The following DNMT1 variants were observed in gnomAD, a reference collection of about 807,000 sequenced individuals.
DNMT1 encodes DNA methyltransferase 1.
DNMT1 carries 24 observed loss-of-function variants against 205.3 expected under a neutral mutation model. The ratio of observed to expected loss-of-function variants is 0.12; its 90% CI spans 0.08 to 0.16. DNMT1 has a LOEUF of 0.16. Among genes scored for constraint, DNMT1 ranks in the 10% least tolerant of loss-of-function variants. DNMT1 has a pLI of 1.00. For missense variants in DNMT1, 1,293 were observed against 2,177.7 expected, an observed-to-expected ratio of 0.59 and a Z score of 8.09; for synonymous variants, 817 against 839.8, an observed-to-expected ratio of 0.97 and a Z score of 0.47.
chr19:10,154,211 G>T lies in DNMT1; in HGVS notation c.2019+82C>A. The T allele has an allele frequency of 2.1e-5, 25 of 1,181,038 alleles. No homozygotes were observed. Among genetic ancestry groups the T allele is most frequent in the Non-Finnish European group, 2.8e-5 (25 of 892,042 alleles). 73.2% of individuals were successfully genotyped at this position (1,181,038 alleles called of 1,614,324 possible). A position where few individuals can be genotyped will look rare whatever the true frequency, so the allele number is the denominator to read the frequency against. ...TGAGCAGCCAGAGTCTCAAGCCACA[G>T]AGAGAAAGATGGAGCAGTCCTCAGA... On this transcript the variant is annotated intron_variant, in intron 22 of 40. Transcript: ENST00000359526. The surrounding 1 kb of genome is among the most constrained non-coding windows in gnomAD (Gnocchi z 6.3).
In DNMT1 at chr19:10,160,049, AT is replaced by A; in HGVS notation, c.1057del (p.Met353TrpfsTer8). 6.3e-7 allele frequency: 1 copy of A among 1,590,538 alleles called. No homozygotes were observed. ...GTTCATGACTGTTTTGGCGCGAGCCATTTTTTTCTCCGTTCTGGGGGAAAAA... is the reference window on the plus strand; with the variant it reads ...GTTCATGACTGTTTTGGCGCGAGCCATTTTTTCTCCGTTCTGGGGGAAAAA... ...TTPKEPTEKK[M>X]ARAKTVMNSK... On this transcript the variant is annotated frameshift_variant, in exon 15 of 41. Transcript: ENST00000359526. LOFTEE classifies it high-confidence loss of function.
intron 11 of DNMT1, among the ~76,000 whole-genome samples, chr19:10,166,010 G>C (rs1278212569): frequency 6.6e-6 from 1 of 152,110 alleles, no homozygotes; most frequent in African/African-American, 2.4e-5. Flanking sequence ...CCCTCTTGGG[G>C]TCTTCGGCAT....
intron 9 of DNMT1, 29 bp from the exon 10 acceptor site, chr19:10,168,393 AT>A (rs2038736846): frequency 6.2e-7 from 1 of 1,612,460 alleles, no homozygotes; most frequent in Admixed American, 1.7e-5. Flanking sequence ...AGACAAGTTA[AT>A]TTTTTCCATT....
Position 10,139,878 on chromosome 19 carries a change from ACT to A in DNMT1, c.3807-63_3807-62del, listed in dbSNP as rs1030120223. 4 of 1,557,580 alleles carry A rather than the reference ACT, an allele frequency of 2.6e-6. No homozygotes were observed. In the African/African-American group the frequency reaches 5.4e-5, roughly 21 times the overall value. ...CACAGACAGAGGGAAGAAACGACCCACTGTGCCGGAAGCCCCTCACGAATGTT... is the reference window on the plus strand; with the variant it reads ...CACAGACAGAGGGAAGAAACGACCCAGTGCCGGAAGCCCCTCACGAATGTT... On this transcript the variant is annotated intron_variant, in intron 33 of 40. Coordinates refer to ENST00000359526, the MANE Select transcript of DNMT1 (RefSeq NM_001130823.3).
At chr19:10,180,275 G>A in intron 4 of DNMT1, 41 bp from the exon 5 acceptor site, 1 of 1,564,646 alleles carries the variant, frequency 6.4e-7, no homozygotes, top group Non-Finnish European at 8.7e-7. Context: ...TTACACCACT[G>A]TGCTCCAGAC....
At position 10,149,353 on chromosome 19, in the gene DNMT1, C is replaced by A. The variant is rs531040881; in HGVS notation, c.2586+100G>T. 4,240 of 1,378,206 alleles carry A rather than the reference C, an allele frequency of 3.1e-3. 11 individuals carry two copies. The highest frequency in any genetic ancestry group is 0.013 in the African/African-American group (827 of 66,144). 85.4% of individuals were successfully genotyped at this position (1,378,206 alleles called of 1,614,324 possible). A position where few individuals can be genotyped will look rare whatever the true frequency, so the allele number is the denominator to read the frequency against. On this transcript the variant is annotated intron_variant, in intron 26 of 40. Coordinates refer to ENST00000359526, the MANE Select transcript of DNMT1 (RefSeq NM_001130823.3). ...AACAAAAAAAAAAACAAAAAAAAAA[C>A]CAAATTAAAAAAAAATACAAATCAA...
At chr19:10,160,279 G>A (rs1343421481) in intron 14 of DNMT1, 105 bp downstream of exon 14, 2 of 1,567,654 alleles carry the variant, frequency 1.3e-6, no homozygotes, top group Non-Finnish European at 1.7e-6. Flanking sequence ...TCCAAAATGA[G>A]CCTAAGGTTG....
At chr19:10,172,085 CA>C (rs1284953055) in intron 9 of DNMT1, among the ~76,000 whole-genome samples, 1 of 151,788 alleles carries the variant, frequency 6.6e-6, no homozygotes, top group African/African-American at 2.4e-5. Context: ...CCTCATAACC[CA>C]CCTTCCATGT....
intron 1 of DNMT1, among the ~76,000 whole-genome samples, chr19:10,185,527 C>G (rs116947715): frequency 1.3e-5 from 2 of 151,862 alleles, no homozygotes; most frequent in East Asian, 3.9e-4. Flanking sequence ...CACTTGGACT[C>G]AAGGTGCTAC....
In DNMT1 at chr19:10,149,903, G is replaced by C. The variant is rs370056750; in HGVS notation, c.2331C>G (p.Asp777Glu). ...AATCATCTGGAATAACAGAGACACA[G>C]TCCCCCACTTCCAGGGTTTCCGCAT... Reference protein sequence around the residue: ...CIDAETLEVGDCVSVIPDDSS... With the variant: ...CIDAETLEVGECVSVIPDDSS... The change falls in exon 25 of 41, where the codon GAC becomes GAG. Residue 777 changes from aspartate to glutamate, a missense_variant. Transcript: ENST00000359526. 1 of 1,614,204 alleles carries C rather than the reference G, an allele frequency of 6.2e-7. No individual in the cohort carries two copies. The highest frequency in any genetic ancestry group is 1.3e-5 in the African/African-American group (1 of 75,048).
intron 1 of DNMT1, among the ~76,000 whole-genome samples, chr19:10,182,321 G>A (rs2039064098): frequency 1.3e-5 from 2 of 151,576 alleles, no homozygotes; most frequent in Non-Finnish European, 2.9e-5. Context: ...TCTGATGATT[G>A]TGAGATTACA....
Position 10,137,371 on chromosome 19 carries a change from C to T in DNMT1, c.4294-91G>A. 6.8e-7 allele frequency: 1 copy of T among 1,474,064 alleles called. No homozygotes were observed. The highest frequency in any genetic ancestry group is 2.0e-5 in the Admixed American group (1 of 50,410). The allele number at this position is 1,474,064 out of a possible 1,614,324, so 91.3% of individuals were successfully genotyped here. A position where few individuals can be genotyped will look rare whatever the true frequency, so the allele number is the denominator to read the frequency against. On this transcript the variant is annotated intron_variant, in intron 36 of 40. Transcript: ENST00000359526. The surrounding 1 kb of genome is among the most constrained non-coding windows in gnomAD (Gnocchi z 6.4). Reference sequence around the variant, plus strand: ...TGGGAGCTGGGAACACCATGGTGACCAGGAAGCCCCCTGGGGCTCACGCCC... The same window carrying T: ...TGGGAGCTGGGAACACCATGGTGACTAGGAAGCCCCCTGGGGCTCACGCCC...
At position 10,140,461 on chromosome 19, in the gene DNMT1, C is replaced by T. The variant is rs1266384218; in HGVS notation, c.3524-133G>A. On this transcript the variant is annotated intron_variant, in intron 32 of 40. Coordinates refer to ENST00000359526, the MANE Select transcript of DNMT1 (RefSeq NM_001130823.3). This position sits in a 1 kb window ranked among gnomAD's most constrained non-coding sequence, Gnocchi z 8.4. ...CTTGGCTCACTGCAAGCTCTGCCTCCCAGGTTCAAGCGATTCTCCCACCTC... is the reference window on the plus strand; with the variant it reads ...CTTGGCTCACTGCAAGCTCTGCCTCTCAGGTTCAAGCGATTCTCCCACCTC... 2.2e-5 allele frequency: 30 copies of T among 1,352,986 alleles called. No individual in the cohort carries two copies. Among genetic ancestry groups the T allele is most frequent in the Non-Finnish European group, 3.0e-5 (30 of 985,844 alleles). 83.8% of individuals were successfully genotyped at this position (1,352,986 alleles called of 1,614,324 possible).
chr19:10,154,315 C>T lies in DNMT1; in HGVS notation c.1997G>A (p.Arg666His), dbSNP rs753503985. The T allele has an allele frequency of 1.9e-6, 3 of 1,614,168 alleles. No homozygotes were observed. Among genetic ancestry groups the T allele is most frequent in the Non-Finnish European group, 2.5e-6 (3 of 1,180,008 alleles). The change falls in exon 22 of 41, where the codon CGC (arginine) becomes CAC (histidine). Residue 666 changes from arginine to histidine, a missense_variant. Transcript: ENST00000359526. The surrounding 1 kb of genome is among the most constrained non-coding windows in gnomAD (Gnocchi z 6.3). The stretch of plus-strand genomic sequence containing the variant: ...TACCTCACAGACGCCACATCGCCGG[C>T]GCTTAAAGGCGTTCTCCTTGTCTTC... ...DREDKENAFKRRRCGVCEVCQ... is the reference protein window; with the variant it reads ...DREDKENAFKHRRCGVCEVCQ...
At chr19:10,167,477 G>A (rs1023311033) in intron 10 of DNMT1, among the ~76,000 whole-genome samples, 22 of 152,126 alleles carry the variant, frequency 1.4e-4, no homozygotes, top group African/African-American at 5.3e-4. Context: ...GATTATAGGC[G>A]CGAGCTACTG....
Position 10,151,764 on chromosome 19 carries a change from A to T in DNMT1, c.2103T>A (p.Ala701=). Residue 701 remains alanine, a synonymous_variant, in exon 23 of 41, where the codon GCT becomes GCA. Coordinates refer to ENST00000359526, the MANE Select transcript of DNMT1 (RefSeq NM_001130823.3). This position sits in a 1 kb window ranked among gnomAD's most constrained non-coding sequence, Gnocchi z 5.0. ...GCCTGACCTACCTCCGCTCTTGGCA[A>T]GCCTGCTTGCTCCGTCCACTGCCAC... ...KFGGSGRSKQ[A]CQERRCPNMA... is the part of the protein sequence containing the mutation. The T allele has an allele frequency of 1.2e-6, 2 of 1,614,190 alleles. No homozygotes were observed. The highest frequency in any genetic ancestry group is 1.7e-6 in the Non-Finnish European group (2 of 1,180,036).
chr19:10,192,113 C>T (rs572927033), intron 1 of DNMT1, among the ~76,000 whole-genome samples: 11 of 152,072 alleles, frequency 7.2e-5, no homozygotes, highest in African/African-American at 2.2e-4. Context: ...CGTGAGCCAC[C>T]GCGCCCAGCC....
intron 39 of DNMT1, chr19:10,135,494 T>C: frequency 1.8e-6 from 1 of 557,396 alleles, no homozygotes; most frequent in East Asian, 3.1e-5. Context: ...CGCGACGGAC[T>C]GTCCTTCTGG....
intron 7 of DNMT1, 114 bp from the exon 8 acceptor site, chr19:10,174,019 G>A: frequency 9.6e-7 from 1 of 1,036,524 alleles, no homozygotes. Context: ...GAGCAAGAGT[G>A]GGAAAAGAAG....
Sources: gnomAD v4.1 joint callset for allele counts (sites outside exome capture counted in the v4.1 genomes callset) on GRCh38, gnomAD v4.1.1 for gene constraint, Gnocchi (gnomAD v3.1) non-coding constraint, MANE v1.5 for transcripts, NCBI Gene and HGNC (gene_info 2026-07-23, HGNC 2026-07-21) for gene names.